NLRC5: variants seen among roughly 807,000 people sequenced by gnomAD.
The protein encoded by NLRC5 is NLR family CARD domain containing 5, also known as protein NLRC5.
NLRC5 carries 114 observed loss-of-function variants against 206.9 expected under a neutral mutation model. The ratio of observed to expected loss-of-function variants is 0.55; its 90% CI spans 0.47 to 0.64. The LOEUF is 0.64. Among genes scored for constraint, NLRC5 ranks in the 30% least tolerant of loss-of-function variants. The pLI is 0.00. For synonymous variants in NLRC5, 952 were observed against 962.8 expected (o/e 0.99, Z 0.21); for missense variants, 2,008 against 2,305.5 (o/e 0.87, Z 2.64).
At chr16:57,075,563 C>A (rs1286216538) in intron 39 of NLRC5, among the ~76,000 whole-genome samples, 1 of 152,174 alleles carries the variant, frequency 6.6e-6, no homozygotes, top group Non-Finnish European at 1.5e-5. Flanking sequence ...GGTATCAATT[C>A]TGGGGGCCAC....
In NLRC5 at chr16:57,029,768, C is replaced by T. The variant is rs376089719; in HGVS notation, c.2244-5C>T. 44 of 1,613,854 alleles carry T rather than the reference C, an allele frequency of 2.7e-5. No homozygotes were observed. The East Asian group carries it at 6.9e-4, about 25-fold the overall frequency. On this transcript the variant is annotated splice_region_variant and splice_polypyrimidine_tract_variant and intron_variant, in intron 8 of 48. Coordinates refer to ENST00000688547, the MANE Select transcript of NLRC5 (RefSeq NM_001384950.1). ...CAAAGGGACTGGGCCTTGGTCTCCT[C>T]GCAGTTTTCGGGACAACCAGCTCAG...
At chr16:57,045,391 T>G in intron 20 of NLRC5, 57 bp from the exon 21 acceptor site, 3 of 1,599,158 alleles carry the variant, frequency 1.9e-6, no homozygotes, top group Non-Finnish European at 2.6e-6. Context: ...TTCTTGCCAC[T>G]GCCAGGGAAG....
chr16:57,011,232 G>A (rs868639525), intron 1 of NLRC5, among the ~76,000 whole-genome samples: 45 of 151,800 alleles, frequency 3.0e-4, no homozygotes, highest in African/African-American at 9.4e-4. Flanking sequence ...GACCAATATG[G>A]TGAAACCCCG....
chr16:57,045,590 T>A, intron 21 of NLRC5, 98 bp downstream of exon 21: 1 of 1,203,410 alleles, frequency 8.3e-7, no homozygotes, highest in South Asian at 1.2e-5. Flanking sequence ...ACCACTCAGC[T>A]CTCAGTTAAA....
intron 13 of NLRC5, among the ~76,000 whole-genome samples, chr16:57,035,537 G>A (rs116267571): frequency 0.055 from 8,432 of 152,184 alleles, 270 homozygotes; most frequent in South Asian, 0.072. Flanking sequence ...TTATGCCACA[G>A]GGCCTTTGAA....
At position 57,083,484 on chromosome 16, in the gene NLRC5, G is replaced by A. The variant is rs2069367742; in HGVS notation, c.*956G>A. The A allele has an allele frequency of 2.0e-5, 3 of 152,242 alleles. No individual in the cohort carries two copies. The highest frequency in any genetic ancestry group is 2.9e-5 in the Non-Finnish European group (2 of 68,062). The allele number at this position is 152,242 out of a possible 1,614,324, so 9.4% of individuals were successfully genotyped here. A position where few individuals can be genotyped will look rare whatever the true frequency, so the allele number is the denominator to read the frequency against. On this transcript the variant is annotated 3_prime_UTR_variant, in exon 49 of 49. Transcript: ENST00000688547. ...AACCAAGAATGGCTCTGTCACACTC[G>A]AAGCCAGGCTTGATCAATAAACACA... is the stretch of plus-strand genomic sequence containing the variant.
intron 1 of NLRC5, among the ~76,000 whole-genome samples, chr16:57,012,476 G>A (rs1193896286): frequency 6.6e-6 from 1 of 152,192 alleles, no homozygotes; most frequent in Non-Finnish European, 1.5e-5. Flanking sequence ...TGGCCTGTTA[G>A]GAACTGGGCC....
At chr16:57,006,003 C>T (rs970145283) in intron 1 of NLRC5, among the ~76,000 whole-genome samples, 8 of 151,378 alleles carry the variant, frequency 5.3e-5, no homozygotes, top group Non-Finnish European at 7.4e-5. Flanking sequence ...TATTTGTATA[C>T]ACATTTTTTT....
chr16:57,040,000 C>T, intron 16 of NLRC5, 151 bp downstream of exon 16: 4 of 729,810 alleles, frequency 5.5e-6, no homozygotes, highest in Non-Finnish European at 9.2e-6. Context: ...GCAAAGGATG[C>T]AGCCCCAAAG....
chr16:57,028,296 C>G lies in NLRC5; in HGVS notation c.2160-6C>G, dbSNP rs374692928. ...TTCCTCCCCACCATCTTTGCTTACTCTGTAGGTTAGCAGGAAGTAAAATCA... is the reference window on the plus strand; with the variant it reads ...TTCCTCCCCACCATCTTTGCTTACTGTGTAGGTTAGCAGGAAGTAAAATCA... On this transcript the variant is annotated splice_region_variant and splice_polypyrimidine_tract_variant and intron_variant, in intron 7 of 48. Coordinates refer to ENST00000688547, the MANE Select transcript of NLRC5 (RefSeq NM_001384950.1). The G allele has an allele frequency of 5.6e-6, 9 of 1,613,120 alleles. No homozygotes were observed. The highest frequency in any genetic ancestry group is 7.6e-6 in the Non-Finnish European group (9 of 1,179,168).
At chr16:56,997,857 A>C (rs2057796633) in intron 1 of NLRC5, among the ~76,000 whole-genome samples, 1 of 152,218 alleles carries the variant, frequency 6.6e-6, no homozygotes, top group African/African-American at 2.4e-5. Flanking sequence ...CTGGGATCAC[A>C]GGTGTGAGCC....
chr16:57,024,038 C>G (rs1282939075), intron 5 of NLRC5, among the ~76,000 whole-genome samples, 185 bp downstream of exon 5: 1 of 152,176 alleles, frequency 6.6e-6, no homozygotes, highest in Non-Finnish European at 1.5e-5. Context: ...GGGCTGGCAG[C>G]GAAGGGGCTC....
At chr16:57,047,727 G>A (rs531318454) in intron 23 of NLRC5, 99 bp downstream of exon 23, 8 of 1,036,040 alleles carry the variant, frequency 7.7e-6, no homozygotes, top group East Asian at 2.6e-5. Flanking sequence ...AGTCTTTCTC[G>A]ATTTCTTCCC....
chr16:57,025,181 G>A (rs910474779), intron 5 of NLRC5, among the ~76,000 whole-genome samples, 187 bp from the exon 6 acceptor site: 2 of 152,132 alleles, frequency 1.3e-5, no homozygotes, highest in Admixed American at 6.5e-5. Flanking sequence ...TGCTCCCTTA[G>A]AACTGATTCC....
intron 19 of NLRC5, among the ~76,000 whole-genome samples, chr16:57,042,790 T>C (rs916756708): frequency 5.9e-5 from 9 of 152,148 alleles, no homozygotes; most frequent in Non-Finnish European, 1.0e-4. Flanking sequence ...GTGGCCTCTG[T>C]TGGTGGCTAC....
At position 57,074,564 on chromosome 16, in the gene NLRC5, C is replaced by G; in HGVS notation, c.4668-36C>G. The G allele has an allele frequency of 1.9e-6, 3 of 1,600,760 alleles. No individual in the cohort carries two copies. The East Asian group carries it at 6.7e-5, about 36-fold the overall frequency. Reference sequence around the variant, plus strand: ...CCCCAGACTGGACAGTGCCCCACCCCCAGATGTCAAGTTCACCTGGCCTCC... The same window carrying G: ...CCCCAGACTGGACAGTGCCCCACCCGCAGATGTCAAGTTCACCTGGCCTCC... On this transcript the variant is annotated intron_variant, in intron 38 of 48. Coordinates refer to ENST00000688547, the MANE Select transcript of NLRC5 (RefSeq NM_001384950.1).
intron 41 of NLRC5, 107 bp from the exon 42 acceptor site, chr16:57,077,612 G>T (rs931566222): frequency 9.6e-6 from 11 of 1,142,946 alleles, no homozygotes; most frequent in Admixed American, 6.9e-5. Flanking sequence ...GGTGTCGGGG[G>T]GTTGTCTCTT....
At chr16:56,994,106 G>A (rs1031522022) in intron 1 of NLRC5, among the ~76,000 whole-genome samples, 1 of 152,018 alleles carries the variant, frequency 6.6e-6, no homozygotes, top group Non-Finnish European at 1.5e-5. Context: ...ATGGCCAACA[G>A]GGACCAGGAC....
chr16:57,080,406 TTTGTAACTACC>T (rs2068979837), intron 46 of NLRC5, among the ~76,000 whole-genome samples: 1 of 152,174 alleles, frequency 6.6e-6, no homozygotes, highest in South Asian at 2.1e-4. Context: ...TATATTTATT[TTTGTAACTACC>T]TTCTATATGG....
Sources: gnomAD v4.1 joint callset for allele counts (sites outside exome capture counted in the v4.1 genomes callset) on GRCh38, gnomAD v4.1.1 for gene constraint, MANE v1.5 for transcripts, NCBI Gene and HGNC (gene_info 2026-07-23, HGNC 2026-07-21) for gene names.